The following APCDD1L variants were observed in gnomAD, a reference collection of about 807,000 sequenced individuals.
APCDD1L encodes the protein protein APCDD1-like.
APCDD1L carries 21 observed loss-of-function variants against 24.2 expected under a neutral mutation model. That is an observed-to-expected ratio of 0.87 (90% confidence interval 0.61 to 1.25). APCDD1L has a LOEUF of 1.25. Ranked by LOEUF, APCDD1L falls within the 50% of genes most tolerant of loss-of-function variation. APCDD1L has a pLI of 0.00. For missense variants in APCDD1L, 704 were observed against 711.7 expected (o/e 0.99, Z 0.12); for synonymous variants, 321 against 323.6 (o/e 0.99, Z 0.09).
chr20:58,468,997 G>A (rs1989766455), intron 2 of APCDD1L, among the ~76,000 whole-genome samples: 2 of 152,274 alleles, frequency 1.3e-5, no homozygotes, highest in South Asian at 4.2e-4. Context: ...CAGAGCTAAT[G>A]TGTCTTTAAT....
intron 1 of APCDD1L, among the ~76,000 whole-genome samples, chr20:58,483,166 G>C (rs1163426237): frequency 6.6e-6 from 1 of 152,162 alleles, no homozygotes; most frequent in Non-Finnish European, 1.5e-5. Context: ...GTAGCAGGGA[G>C]GTGTGAACTA....
rs746369561 is a variant in APCDD1L, at chr20:58,461,548, C to A, written c.748G>T (p.Val250Leu). 283 of 1,418,450 alleles carry A rather than the reference C, an allele frequency of 2.0e-4. 1 individual carries two copies. Among genetic ancestry groups the A allele is most frequent in the Middle Eastern group, 1.5e-3 (8 of 5,196 alleles). The allele number at this position is 1,418,450 out of a possible 1,614,324, so 87.9% of individuals were successfully genotyped here. ...AGGCCACAGGCTGGGCACGGCTGCACGTGGTGCTGGCAAAAGACAAACAGA... is the reference window on the plus strand; with the variant it reads ...AGGCCACAGGCTGGGCACGGCTGCAAGTGGTGCTGGCAAAAGACAAACAGA... The part of the protein sequence containing the change: ...QRPLQSALHH[V>L]QPCPACGLIA... Residue 250 changes from valine (V) to leucine (L), a missense_variant, in exon 4 of 4, where the codon GTG (valine) becomes TTG (leucine). Transcript: ENST00000371149. The surrounding 1 kb of genome is among the most constrained non-coding windows in gnomAD (Gnocchi z 6.0).
chr20:58,473,414 G>A (rs78126363), intron 1 of APCDD1L, among the ~76,000 whole-genome samples: 3,340 of 152,266 alleles, frequency 0.022, 51 homozygotes, highest in Non-Finnish European at 0.034. Flanking sequence ...TGCTGCATTC[G>A]GAACATGTAC....
At chr20:58,471,478 C>G (rs1168344375) in intron 1 of APCDD1L, among the ~76,000 whole-genome samples, 2 of 152,202 alleles carry the variant, frequency 1.3e-5, no homozygotes, top group African/African-American at 4.8e-5. Flanking sequence ...GAATTGGGCT[C>G]AGGGCAGAAG....
chr20:58,510,453 C>T (rs1990606371), intron 1 of APCDD1L, among the ~76,000 whole-genome samples: 1 of 152,208 alleles, frequency 6.6e-6, no homozygotes, highest in African/African-American at 2.4e-5. Flanking sequence ...CTGCCTCAGC[C>T]TCCCAAGTAG....
intron 1 of APCDD1L, among the ~76,000 whole-genome samples, chr20:58,482,334 C>T (rs540462724): frequency 5.9e-5 from 9 of 152,190 alleles, no homozygotes; most frequent in African/African-American, 1.9e-4. Context: ...AATGTGCTTT[C>T]GGAGTTTCAG....
chr20:58,492,316 TAAA>T (rs1285183077), intron 1 of APCDD1L, among the ~76,000 whole-genome samples: 1 of 152,174 alleles, frequency 6.6e-6, no homozygotes, highest in Admixed American at 6.5e-5. Context: ...ACAGGTTGTG[TAAA>T]GAAGTCCTCC....
At chr20:58,471,081 C>A (rs750331186) in intron 1 of APCDD1L, among the ~76,000 whole-genome samples, 1 of 152,204 alleles carries the variant, frequency 6.6e-6, no homozygotes, top group East Asian at 1.9e-4. Context: ...GAAGCCCAGA[C>A]CTTCCACGGG....
chr20:58,513,927 C>A (rs1378255957), intron 1 of APCDD1L: 1 of 1,303,038 alleles, frequency 7.7e-7, no homozygotes. Flanking sequence ...TGGGGATGAG[C>A]CCCCAGCTGG....
Position 58,470,626 on chromosome 20 carries a change from TCCATTAA to T in APCDD1L, c.164_170del (p.Leu55HisfsTer17), listed in dbSNP as rs1989792496. On this transcript the variant is annotated frameshift_variant, in exon 2 of 4. Transcript: ENST00000371149. LOFTEE classifies it high-confidence loss of function. The stretch of plus-strand genomic sequence containing the variant: ...AGTCTTACCCTGTGGAGATCCAAGG[TCCATTAA>T]GGCGTGGAGGCAGGATCGCAGTGCT... The T allele has an allele frequency of 6.3e-7, 1 of 1,586,206 alleles. No individual in the cohort carries two copies. Among genetic ancestry groups the T allele is most frequent in the East Asian group, 2.3e-5 (1 of 44,146 alleles).
intron 1 of APCDD1L, among the ~76,000 whole-genome samples, chr20:58,500,128 C>T (rs761882385): frequency 2.1e-4 from 32 of 152,190 alleles, no homozygotes; most frequent in Non-Finnish European, 3.5e-4. Flanking sequence ...CTAGTCCCTC[C>T]CTCCCAAAGC....
rs145452863 is a variant in APCDD1L at position 58,487,050 on chromosome 20, C to T, written c.50-16303G>A. Among the ~76,000 whole-genome samples the T allele has an allele frequency of 3.6e-3, 545 of 151,460 alleles. 6 individuals are homozygous for T. Among genetic ancestry groups the T allele is most frequent in the African/African-American group, 0.012 (513 of 41,298 alleles). ...CTAATTTTTGTATTTTCAGTAGAGA[C>T]GAGGTTTCACCATGTTGGCCAGGCT... On this transcript the variant is annotated intron_variant, in intron 1 of 3. Transcript: ENST00000371149.
At chr20:58,485,089 G>T (rs1990097506) in intron 1 of APCDD1L, among the ~76,000 whole-genome samples, 1 of 151,002 alleles carries the variant, frequency 6.6e-6, no homozygotes, top group South Asian at 2.1e-4. Flanking sequence ...CCATTATTTA[G>T]ATGAATCTTG....
At chr20:58,492,652 G>C (rs1990241988) in intron 1 of APCDD1L, among the ~76,000 whole-genome samples, 2 of 152,208 alleles carry the variant, frequency 1.3e-5, no homozygotes, top group Non-Finnish European at 2.9e-5. Flanking sequence ...TGAGATCAGT[G>C]GTTTACAAAC....
At chr20:58,477,715 T>G (rs1568740331) in intron 1 of APCDD1L, among the ~76,000 whole-genome samples, 1 of 152,278 alleles carries the variant, frequency 6.6e-6, no homozygotes, top group Non-Finnish European at 1.5e-5. Flanking sequence ...TAACTGTCAA[T>G]GATTCTTGCC....
intron 1 of APCDD1L, among the ~76,000 whole-genome samples, chr20:58,499,149 A>T (rs559610190): frequency 1.2e-4 from 18 of 152,258 alleles, no homozygotes; most frequent in African/African-American, 3.8e-4. Context: ...CCTCATCCCT[A>T]GGTGTGACCT....
chr20:58,473,329 T>G (rs1261673915), intron 1 of APCDD1L, among the ~76,000 whole-genome samples: 1 of 152,138 alleles, frequency 6.6e-6, no homozygotes, highest in Non-Finnish European at 1.5e-5. Context: ...GCCGAGTGCA[T>G]TTTAGTTTAT....
rs1161514965 is a variant in APCDD1L at position 58,476,172 on chromosome 20, C to T, written c.50-5425G>A. ...CATTCATTCATTCATTTCTTCTCCC[C>T]AACACAAACACTTATTTTTATTTAT... On this transcript the variant is annotated intron_variant, in intron 1 of 3. Coordinates refer to ENST00000371149, the MANE Select transcript of APCDD1L (RefSeq NM_153360.3). Among the ~76,000 whole-genome samples the T allele has an allele frequency of 2.0e-5, 3 of 152,108 alleles. No individual in the cohort carries two copies. In the East Asian group the frequency reaches 5.8e-4, roughly 29 times the overall value.
At chr20:58,479,504 G>A (rs1989981975) in intron 1 of APCDD1L, among the ~76,000 whole-genome samples, 1 of 152,018 alleles carries the variant, frequency 6.6e-6, no homozygotes, top group Admixed American at 6.5e-5. Flanking sequence ...GCAACCCAGT[G>A]GGTAGGATGT....
Sources: gnomAD v4.1 joint callset for allele counts (sites outside exome capture counted in the v4.1 genomes callset) on GRCh38, gnomAD v4.1.1 for gene constraint, Gnocchi (gnomAD v3.1) non-coding constraint, MANE v1.5 for transcripts, NCBI Gene and HGNC (gene_info 2026-07-23, HGNC 2026-07-21) for gene names.